Variants in AKR7A2 observed in about 807,000 individuals in gnomAD.
AKR7A2 encodes aflatoxin B1 aldehyde reductase member 2.
AKR7A2 carries 29 observed loss-of-function variants against 37.3 expected under a neutral mutation model. The observed-to-expected ratio is 0.78, with a 90% CI of 0.58 to 1.06. The LOEUF (loss-of-function observed/expected upper bound fraction) is 1.06, where lower values mean the gene tolerates loss of function less well. AKR7A2 is among the 50% of genes least tolerant of loss of function. The pLI is 0.00. For missense variants in AKR7A2, 529 were observed against 497.9 expected, an observed-to-expected ratio of 1.06 and a Z score of -0.59; for synonymous variants, 228 against 217.8, an observed-to-expected ratio of 1.05 and a Z score of -0.41.
At chr1:19,307,519 T>A in intron 3 of AKR7A2, 109 bp from the exon 4 acceptor site, 1 of 1,167,404 alleles carries the variant, frequency 8.6e-7, no homozygotes, top group Non-Finnish European at 1.3e-6. Context: ...TCAGCAATAT[T>A]CTAACATCAC....
chr1:19,304,020 C>G lies in AKR7A2; in HGVS notation c.*205G>C, dbSNP rs187617169. Reference sequence around the variant, plus strand: ...AGCCAGGTCAAGTGCCTGCTTTATTCAACAGGAAGCGCTCAAGTGGGACTC... The same window carrying G: ...AGCCAGGTCAAGTGCCTGCTTTATTGAACAGGAAGCGCTCAAGTGGGACTC... On this transcript the variant is annotated 3_prime_UTR_variant, in exon 7 of 7. Coordinates refer to ENST00000235835, the MANE Select transcript of AKR7A2 (RefSeq NM_003689.4). The G allele has an allele frequency of 5.4e-5, 44 of 818,290 alleles. No individual in the cohort carries two copies. In the Admixed American group the frequency reaches 8.1e-4, roughly 15 times the overall value. 50.7% of individuals were successfully genotyped at this position (818,290 alleles called of 1,614,324 possible). A position where few individuals can be genotyped will look rare whatever the true frequency, so the allele number is the denominator to read the frequency against.
At chr1:19,310,133 A>G (rs997939374) in intron 1 of AKR7A2, among the ~76,000 whole-genome samples, 12 of 152,104 alleles carry the variant, frequency 7.9e-5, no homozygotes, top group African/African-American at 2.2e-4. Context: ...TGGTTGGGGG[A>G]TGGATTCTGC....
chr1:19,307,705 A>G (rs2093764301), intron 3 of AKR7A2: 1 of 539,180 alleles, frequency 1.9e-6, no homozygotes, highest in Admixed American at 3.2e-5. Flanking sequence ...GTTTAAAAAA[A>G]TAGACAAGGA....
chr1:19,307,852 C>T (rs577903122), intron 3 of AKR7A2: 11 of 532,948 alleles, frequency 2.1e-5, no homozygotes, highest in South Asian at 2.0e-4. Flanking sequence ...AGGAGGAGAC[C>T]TCTATGTAAG....
intron 6 of AKR7A2, among the ~76,000 whole-genome samples, chr1:19,304,607 T>C (rs1484304383): frequency 6.6e-6 from 1 of 152,064 alleles, no homozygotes; most frequent in East Asian, 1.9e-4. Context: ...AGAACTACAT[T>C]CACAGCCCAG....
At chr1:19,309,345 G>A (rs1458359211) in intron 1 of AKR7A2, among the ~76,000 whole-genome samples, 1 of 152,192 alleles carries the variant, frequency 6.6e-6, no homozygotes, top group Non-Finnish European at 1.5e-5. Flanking sequence ...GTTCACACTT[G>A]GCTGCAGTAT....
Position 19,307,360 on chromosome 1 carries a change from G to T in AKR7A2, c.642C>A (p.Cys214Ter). The T allele has an allele frequency of 6.2e-7, 1 of 1,613,968 alleles. No homozygotes were observed. The change falls in exon 4 of 7, where the codon TGC becomes TGA. Residue 214 changes from cysteine (C) to a stop codon, truncating the protein, a stop_gained. Transcript: ENST00000235835. LOFTEE classifies it high-confidence loss of function. ...AGAACCTCAGTCCAAAGTGCCTGAG[G>T]CAGGGGAAGAGCTCCGTTTCCACCT... ...TRQVETELFPCLRHFGLRFYA... is the reference protein window; with the variant it reads ...TRQVETELFP
At chr1:19,308,039 G>C (rs776516419) in intron 3 of AKR7A2, 119 bp downstream of exon 3, 2 of 1,335,876 alleles carry the variant, frequency 1.5e-6, no homozygotes, top group Admixed American at 1.8e-5. Flanking sequence ...GCCATCTGCA[G>C]GCTTTCAGCA....
Position 19,304,288 on chromosome 1 carries a change from G to A in AKR7A2, c.1017C>T (p.Val339=), listed in dbSNP as rs148319333. The A allele has an allele frequency of 3.1e-4, 499 of 1,614,154 alleles. 1 individual carries two copies. Among genetic ancestry groups the A allele is most frequent in the Middle Eastern group, 4.9e-4 (3 of 6,062 alleles). The change falls in exon 7 of 7, where the codon GTC becomes GTT. Residue 339 remains valine (V), a synonymous_variant. Transcript: ENST00000235835. ...ATEEGPLEPA[V]VDAFNQAWHL... is the part of the protein sequence containing the mutation. ...GCCAGGCTTGATTAAAGGCATCCACGACAGCCGGCTCCAGGGGCCCTTCCT... is the reference window on the plus strand; with the variant it reads ...GCCAGGCTTGATTAAAGGCATCCACAACAGCCGGCTCCAGGGGCCCTTCCT...
chr1:19,303,517 G>A (rs1358697629), downstream of AKR7A2, among the ~76,000 whole-genome samples: 3 of 152,110 alleles, frequency 2.0e-5, no homozygotes, highest in Non-Finnish European at 2.9e-5. Flanking sequence ...TCCCCATGCC[G>A]AACAGGAGGC....
chr1:19,308,265 G>C lies in AKR7A2; in HGVS notation c.487-3C>G. 1 of 1,614,210 alleles carries C rather than the reference G, an allele frequency of 6.2e-7. No homozygotes were observed. The stretch of plus-strand genomic sequence containing the variant: ...AGGCCAAGCTCCACGAACTTGCCCT[G>C]CATGGGTGAGGCTCCAGTCAGAACG... On this transcript the variant is annotated splice_region_variant and splice_polypyrimidine_tract_variant and intron_variant, in intron 2 of 6. Transcript: ENST00000235835.
intron 3 of AKR7A2, 23 bp from the exon 4 acceptor site, chr1:19,307,433 G>C (rs1166381444): frequency 1.9e-6 from 3 of 1,613,208 alleles, no homozygotes; most frequent in Non-Finnish European, 2.5e-6. Context: ...GGACCCCGGG[G>C]ACAGGGTGGA....
At position 19,312,095 on chromosome 1, in the gene AKR7A2, GGA is replaced by G. The variant is rs1491300633; in HGVS notation, c.28_29del (p.Ser10ProfsTer107). 282 of 1,335,064 alleles carry G rather than the reference GGA, an allele frequency of 2.1e-4. 1 individual carries two copies. The African/African-American group carries it at 3.9e-3, about 19-fold the overall frequency. The allele number at this position is 1,335,064 out of a possible 1,614,324, so 82.7% of individuals were successfully genotyped here. On this transcript the variant is annotated frameshift_variant, in exon 1 of 7. Coordinates refer to ENST00000235835, the MANE Select transcript of AKR7A2 (RefSeq NM_003689.4). LOFTEE classifies it high-confidence loss of function. MLSAASRVV[S>X]RAAVHCALRS... ...GAAGCGCGCAGTGGACGGCGGCGCG[GGA>G]GACTACGCGAGACGCGGCACTCAGC...
At chr1:19,309,575 C>T (rs537066931) in intron 1 of AKR7A2, among the ~76,000 whole-genome samples, 4 of 152,340 alleles carry the variant, frequency 2.6e-5, no homozygotes, top group Admixed American at 6.5e-5. Context: ...TGCATCCGAG[C>T]AGCTTGGAAA....
chr1:19,308,143 A>T lies in AKR7A2; in HGVS notation c.591+15T>A. ...GAGTCCTGGAGACCTTGGCCTCTGC[A>T]GCCCCGGCCCTCACCTGGTACACAG... On this transcript the variant is annotated intron_variant, in intron 3 of 6. Transcript: ENST00000235835. 6.2e-7 allele frequency: 1 copy of T among 1,613,936 alleles called. No homozygotes were observed.
chr1:19,308,998 T>A (rs940900051), intron 1 of AKR7A2, among the ~76,000 whole-genome samples: 1 of 152,066 alleles, frequency 6.6e-6, no homozygotes, highest in African/African-American at 2.4e-5. Context: ...AGGCACACGA[T>A]GCCAAGGAGC....
Position 19,311,924 on chromosome 1 carries a change from G to A in AKR7A2, c.201C>T (p.Gly67=). The change falls in exon 1 of 7, where the codon GGC becomes GGT. Residue 67 remains glycine, a synonymous_variant. Transcript: ENST00000235835. Reference sequence around the variant, plus strand: ...TGAAGGCCGTGTCCAGTTCGGTGTGGCCGCGCTCCAGAAAGGCGCGCACGG... The same window carrying A: ...TGAAGGCCGTGTCCAGTTCGGTGTGACCGCGCTCCAGAAAGGCGCGCACGG... ...AAAVRAFLER[G]HTELDTAFMY... The A allele has an allele frequency of 1.2e-6, 2 of 1,608,254 alleles. No individual in the cohort carries two copies. The highest frequency in any genetic ancestry group is 2.2e-5 in the East Asian group (1 of 44,756).
chr1:19,307,376 G>A lies in AKR7A2; in HGVS notation c.626C>T (p.Thr209Met), dbSNP rs748658263. 1.2e-5 allele frequency: 19 copies of A among 1,613,968 alleles called. No individual in the cohort carries two copies. The highest frequency in any genetic ancestry group is 5.5e-5 in the South Asian group (5 of 91,074). Residue 209 changes from threonine to methionine, a missense_variant, in exon 4 of 7, where the codon ACG becomes ATG. Physicochemically the swap from Thr to Met is moderately conservative, Grantham distance 81. Transcript: ENST00000235835. ...GTGCCTGAGGCAGGGGAAGAGCTCC[G>A]TTTCCACCTGCCGGGTGGTGGCGTT... ...MYNATTRQVE[T>M]ELFPCLRHFG...
intron 6 of AKR7A2, among the ~76,000 whole-genome samples, chr1:19,304,850 G>T (rs925788206): frequency 1.3e-5 from 2 of 152,128 alleles, no homozygotes; most frequent in African/African-American, 4.8e-5. Flanking sequence ...GAGGCAGAAG[G>T]ATCACTTGAG....
Sources: gnomAD v4.1 joint callset for allele counts (sites outside exome capture counted in the v4.1 genomes callset) on GRCh38, gnomAD v4.1.1 for gene constraint, MANE v1.5 for transcripts, NCBI Gene and HGNC (gene_info 2026-07-23, HGNC 2026-07-21) for gene names.